Variants in SPRED2 observed in about 807,000 individuals in gnomAD.
The protein encoded by SPRED2 is sprouty-related, EVH1 domain-containing protein 2.
In SPRED2, 47 loss-of-function variants were observed where a neutral mutation model predicts 43.0. The ratio of observed to expected loss-of-function variants is 1.09; its 90% CI spans 0.87 to 1.40. SPRED2 has a LOEUF of 1.40. Ranked by LOEUF, SPRED2 falls within the 40% of genes most tolerant of loss-of-function variation. SPRED2 has a pLI of 0.00. For missense variants in SPRED2, 561 were observed against 586.4 expected (o/e 0.96, Z 0.45); for synonymous variants, 225 against 225.7 (o/e 1.00, Z 0.03).
chr2:65,331,560 T>C (rs533289075), intron 4 of SPRED2, among the ~76,000 whole-genome samples: 1 of 152,258 alleles, frequency 6.6e-6, no homozygotes, highest in East Asian at 1.9e-4. Flanking sequence ...CTTTCCCCCC[T>C]GATGCCAGGG....
At chr2:65,319,271 A>AT (rs1673337803) in intron 4 of SPRED2, among the ~76,000 whole-genome samples, 3 of 152,166 alleles carry the variant, frequency 2.0e-5, no homozygotes, top group Admixed American at 2.0e-4. Flanking sequence ...ATGGTGACTA[A>AT]TTTCAATATG....
chr2:65,339,176 T>TG (rs1157590221), intron 2 of SPRED2, among the ~76,000 whole-genome samples: 4 of 136,450 alleles, frequency 2.9e-5, no homozygotes, highest in Non-Finnish European at 6.2e-5. Context: ...CCGCCCCTAC[T>TG]GGGAGGTGGG....
chr2:65,319,280 T>A (rs1002302139), intron 4 of SPRED2, among the ~76,000 whole-genome samples: 2 of 152,178 alleles, frequency 1.3e-5, no homozygotes, highest in Non-Finnish European at 2.9e-5. Context: ...AATTTCAATA[T>A]GAACACACGG....
At chr2:65,360,099 A>C (rs1376936046) in intron 1 of SPRED2, among the ~76,000 whole-genome samples, 1 of 34,092 alleles carries the variant, frequency 2.9e-5, no homozygotes, top group Non-Finnish European at 6.9e-5. Context: ...CAAAAAAAAA[A>C]CAAAAAAAAA....
intron 1 of SPRED2, among the ~76,000 whole-genome samples, chr2:65,413,879 G>A (rs1041308903): frequency 7.9e-5 from 12 of 152,192 alleles, no homozygotes; most frequent in African/African-American, 2.7e-4. Flanking sequence ...CCCAAGGCCA[G>A]AAAGCGTCAA....
chr2:65,375,041 T>C (rs1675206483), intron 1 of SPRED2, among the ~76,000 whole-genome samples: 2 of 152,200 alleles, frequency 1.3e-5, no homozygotes, highest in South Asian at 4.1e-4. Flanking sequence ...AGTTACCCTT[T>C]CCAATTGAAC....
At chr2:65,416,153 G>A (rs530727098) in intron 1 of SPRED2, among the ~76,000 whole-genome samples, 7 of 152,254 alleles carry the variant, frequency 4.6e-5, no homozygotes, top group South Asian at 2.1e-4. Flanking sequence ...ATACCAACTC[G>A]GGAGGATGGG....
intron 1 of SPRED2, among the ~76,000 whole-genome samples, chr2:65,386,039 C>T (rs1675489194): frequency 6.6e-6 from 1 of 152,142 alleles, no homozygotes; most frequent in South Asian, 2.1e-4. Flanking sequence ...AATCCCAGCA[C>T]TTTGGGAAGC....
chr2:65,422,921 G>C (rs890976624), intron 1 of SPRED2, among the ~76,000 whole-genome samples: 2 of 152,114 alleles, frequency 1.3e-5, no homozygotes, highest in African/African-American at 4.8e-5. Flanking sequence ...GCGAGTCTGA[G>C]CCTGAGAAAA....
rs577490844 is a variant in SPRED2 at position 65,351,802 on chromosome 2, T to C, written c.27-6906A>G. On this transcript the variant is annotated intron_variant, in intron 1 of 5. Coordinates refer to ENST00000356388, the MANE Select transcript of SPRED2 (RefSeq NM_181784.3). The stretch of plus-strand genomic sequence containing the variant: ...AAATGTGTTGAGAAGCTGAGGGTAC[T>C]GGTCATACTTTCTATTTGTTAAGTC... Among the ~76,000 whole-genome samples, 7 of 152,358 alleles carry C rather than the reference T, an allele frequency of 4.6e-5. No individual in the cohort carries two copies. The South Asian group carries it at 1.4e-3, about 32-fold the overall frequency.
chr2:65,339,040 A>G (rs1674086317), intron 2 of SPRED2, among the ~76,000 whole-genome samples: 1 of 129,078 alleles, frequency 7.7e-6, no homozygotes, highest in Non-Finnish European at 1.6e-5. Context: ...CCCGTCCGGG[A>G]GGGAGGTGGG....
At chr2:65,414,494 C>G (rs553247736) in intron 1 of SPRED2, among the ~76,000 whole-genome samples, 9 of 152,040 alleles carry the variant, frequency 5.9e-5, no homozygotes, top group African/African-American at 2.2e-4. Context: ...TGCCCAAGGG[C>G]CTATCAGTTG....
chr2:65,339,823 T>C (rs1436055614), intron 2 of SPRED2, among the ~76,000 whole-genome samples: 4 of 151,768 alleles, frequency 2.6e-5, no homozygotes, highest in African/African-American at 9.7e-5. Flanking sequence ...AGATTCCACA[T>C]GGTTGAGTTT....
intron 1 of SPRED2, among the ~76,000 whole-genome samples, chr2:65,429,701 T>G (rs1676632765): frequency 6.6e-6 from 1 of 152,230 alleles, no homozygotes; most frequent in African/African-American, 2.4e-5. Flanking sequence ...TCAGGCATTT[T>G]AAGTTTTGAG....
At chr2:65,401,937 G>GTGCACACA (rs1553426614) in intron 1 of SPRED2, among the ~76,000 whole-genome samples, 4 of 114,714 alleles carry the variant, frequency 3.5e-5, no homozygotes, top group African/African-American at 1.4e-4. Flanking sequence ...GCGCGCGCGC[G>GTGCACACA]CACACACACA....
chr2:65,378,774 GA>G (rs1675305124), intron 1 of SPRED2, among the ~76,000 whole-genome samples: 1 of 152,130 alleles, frequency 6.6e-6, no homozygotes, highest in Non-Finnish European at 1.5e-5. Context: ...GAATCACCTG[GA>G]GGGGTTACTT....
chr2:65,422,982 T>G (rs72898508), intron 1 of SPRED2, among the ~76,000 whole-genome samples: 1 of 152,154 alleles, frequency 6.6e-6, no homozygotes, highest in East Asian at 1.9e-4. Context: ...GTAATAACTA[T>G]ATTAAGACTA....
chr2:65,307,543 C>A (rs1304173738), downstream of SPRED2, among the ~76,000 whole-genome samples: 1 of 137,018 alleles, frequency 7.3e-6, no homozygotes, highest in East Asian at 2.0e-4. Flanking sequence ...AATCACAACC[C>A]CTTCTCAAAA....
At chr2:65,415,531 C>T (rs1676253471) in intron 1 of SPRED2, among the ~76,000 whole-genome samples, 1 of 152,016 alleles carries the variant, frequency 6.6e-6, no homozygotes, top group South Asian at 2.1e-4. Context: ...CAAAAAGGGG[C>T]AACATTTTAA....
Sources: gnomAD v4.1 joint callset for allele counts (sites outside exome capture counted in the v4.1 genomes callset) on GRCh38, gnomAD v4.1.1 for gene constraint, MANE v1.5 for transcripts, NCBI Gene and HGNC (gene_info 2026-07-23, HGNC 2026-07-21) for gene names.